The following PIK3C2B variants were observed in gnomAD, a reference collection of about 807,000 sequenced individuals.
PIK3C2B encodes phosphatidylinositol 4-phosphate 3-kinase C2 domain-containing subunit beta.
In PIK3C2B, 83 loss-of-function variants were observed where a neutral mutation model predicts 184.3. The ratio of observed to expected loss-of-function variants is 0.45; its 90% CI spans 0.38 to 0.54. The LOEUF is 0.54. Among genes scored for constraint, PIK3C2B ranks in the 20% least tolerant of loss-of-function variants. The pLI is 0.00. For synonymous variants in PIK3C2B, 779 were observed against 837.6 expected, an observed-to-expected ratio of 0.93 and a Z score of 1.21; for missense variants, 1,736 against 2,113.5, an observed-to-expected ratio of 0.82 and a Z score of 3.50.
chr1:204,428,136 T>C lies in PIK3C2B; in HGVS notation c.4480+3A>G, dbSNP rs769927460. ...CAGTAAGGTCTCAGAGAAGATACTGTACCTGAGGACTTAGGAGCTGGGCTG... is the reference window on the plus strand; with the variant it reads ...CAGTAAGGTCTCAGAGAAGATACTGCACCTGAGGACTTAGGAGCTGGGCTG... On this transcript the variant is annotated splice_donor_region_variant and intron_variant, in intron 30 of 32. Transcript: ENST00000684373. 35 of 1,586,102 alleles carry C rather than the reference T, an allele frequency of 2.2e-5. No homozygotes were observed. The South Asian group carries it at 2.2e-4, about 10-fold the overall frequency.
At chr1:204,438,350 C>T (rs1265643109) in intron 23 of PIK3C2B, among the ~76,000 whole-genome samples, 1 of 152,128 alleles carries the variant, frequency 6.6e-6, no homozygotes, top group Non-Finnish European at 1.5e-5. Context: ...CCCTACCACC[C>T]AGGAAAGCTC....
intron 23 of PIK3C2B, among the ~76,000 whole-genome samples, chr1:204,437,585 C>T (rs908125061): frequency 6.6e-6 from 1 of 151,936 alleles, no homozygotes; most frequent in Non-Finnish European, 1.5e-5. Context: ...TTCAGGGGAC[C>T]GACAGCAAAG....
chr1:204,450,120 C>CAGCCTCAG, intron 12 of PIK3C2B, 103 bp from the exon 13 acceptor site: 1 of 1,000,468 alleles, frequency 1.0e-6, no homozygotes, highest in South Asian at 1.7e-5. Flanking sequence ...GATACAGCCT[C>CAGCCTCAG]CCTCTCAGGG....
intron 12 of PIK3C2B, among the ~76,000 whole-genome samples, chr1:204,453,456 C>T (rs1468793329): frequency 3.9e-5 from 6 of 152,174 alleles, no homozygotes; most frequent in Non-Finnish European, 5.9e-5. Context: ...TATCTCATCT[C>T]GACGCCATAA....
At chr1:204,451,524 T>TTCA (rs1427117121) in intron 12 of PIK3C2B, among the ~76,000 whole-genome samples, 1 of 152,158 alleles carries the variant, frequency 6.6e-6, no homozygotes, top group African/African-American at 2.4e-5. Flanking sequence ...CTGCAGCCCA[T>TTCA]TCAACAACCT....
At chr1:204,450,108 A>G in intron 12 of PIK3C2B, 91 bp from the exon 13 acceptor site, 5 of 1,081,338 alleles carry the variant, frequency 4.6e-6, no homozygotes, top group Non-Finnish European at 6.6e-6. Flanking sequence ...GCTGAGGCTG[A>G]GGATACAGCC....
intron 11 of PIK3C2B, among the ~76,000 whole-genome samples, chr1:204,455,124 G>A (rs748236972): frequency 9.4e-4 from 143 of 152,378 alleles, no homozygotes; most frequent in Non-Finnish European, 1.5e-3. Flanking sequence ...GCGCGTGCAC[G>A]TGCATGCGCA....
In PIK3C2B at chr1:204,454,811, G is replaced by C; in HGVS notation, c.1944-20C>G. On this transcript the variant is annotated intron_variant, in intron 11 of 32. Coordinates refer to ENST00000684373, the MANE Select transcript of PIK3C2B (RefSeq NM_001377334.1). ...TCATAGCTATAAAAGAAAGGGAGCAGGTCAGGACACCCAGCTCCCAAAACC... is the reference window on the plus strand; with the variant it reads ...TCATAGCTATAAAAGAAAGGGAGCACGTCAGGACACCCAGCTCCCAAAACC... 6.2e-7 allele frequency: 1 copy of C among 1,603,960 alleles called. No individual in the cohort carries two copies. Among genetic ancestry groups the C allele is most frequent in the Non-Finnish European group, 8.5e-7 (1 of 1,178,268 alleles).
At chr1:204,477,416 T>C (rs562535838) in intron 1 of PIK3C2B, among the ~76,000 whole-genome samples, 44 of 152,270 alleles carry the variant, frequency 2.9e-4, no homozygotes, top group Middle Eastern at 3.4e-3. Context: ...CAAGAGGACA[T>C]GCCTATGGCC....
chr1:204,447,419 G>C lies in PIK3C2B; in HGVS notation c.2489+17C>G. ...TCAGATGAAACATGACAGATTCAGT[G>C]GGGGCCCGGGTCTCACCAGTACAAG... On this transcript the variant is annotated intron_variant, in intron 15 of 32. Coordinates refer to ENST00000684373, the MANE Select transcript of PIK3C2B (RefSeq NM_001377334.1). The surrounding 1 kb of genome is among the most constrained non-coding windows in gnomAD (Gnocchi z 4.1). 1 of 1,607,644 alleles carries C rather than the reference G, an allele frequency of 6.2e-7. No homozygotes were observed. Among genetic ancestry groups the C allele is most frequent in the Non-Finnish European group, 8.5e-7 (1 of 1,175,042 alleles).
chr1:204,468,760 C>T (rs1315323512), intron 2 of PIK3C2B, 110 bp downstream of exon 2: 1 of 993,972 alleles, frequency 1.0e-6, no homozygotes, highest in Non-Finnish European at 1.5e-6. Flanking sequence ...GTAGGAGAGG[C>T]CTAAAGGGGT....
rs966660699 is a variant in PIK3C2B at position 204,422,971 on chromosome 1, G to T, written c.*1881C>A. The stretch of plus-strand genomic sequence containing the variant: ...AGTTATGGAATGAGTCAGCAAAACG[G>T]GGAGTTTCTGATCCTTGGAATTAGG... On this transcript the variant is annotated 3_prime_UTR_variant, in exon 33 of 33. Coordinates refer to ENST00000684373, the MANE Select transcript of PIK3C2B (RefSeq NM_001377334.1). 1 of 152,240 alleles carries T rather than the reference G, an allele frequency of 6.6e-6. No individual in the cohort carries two copies. Among genetic ancestry groups the T allele is most frequent in the African/African-American group, 2.4e-5 (1 of 41,422 alleles). The allele number at this position is 152,240 out of a possible 1,614,324, so 9.4% of individuals were successfully genotyped here. A position where few individuals can be genotyped will look rare whatever the true frequency, so the allele number is the denominator to read the frequency against.
rs544347499 is a variant in PIK3C2B at position 204,449,992 on chromosome 1, G to T, written c.2092C>A (p.Arg698=). The change falls in exon 13 of 33, where the codon CGG becomes AGG. Residue 698 remains arginine, a synonymous_variant. Coordinates refer to ENST00000684373, the MANE Select transcript of PIK3C2B (RefSeq NM_001377334.1). ...QQICFPVQVN[R]LPRETLLCAT... ...CACAGCAGTGTCTCCCGAGGCAGCC[G>T]GTTCACCTGCACTGGGAAGCAGATC... 1.3e-6 allele frequency: 2 copies of T among 1,583,738 alleles called. No homozygotes were observed. Among genetic ancestry groups the T allele is most frequent in the East Asian group, 4.6e-5 (2 of 43,682 alleles).
chr1:204,463,891 A>T (rs987813818), intron 5 of PIK3C2B, 121 bp downstream of exon 5: 5 of 987,858 alleles, frequency 5.1e-6, no homozygotes, highest in Non-Finnish European at 7.6e-6. Context: ...CCCAGAAAGC[A>T]GGAGTCTTGA....
At chr1:204,462,703 G>A (rs1655433309) in intron 5 of PIK3C2B, among the ~76,000 whole-genome samples, 2 of 152,122 alleles carry the variant, frequency 1.3e-5, no homozygotes, top group Non-Finnish European at 2.9e-5. Context: ...CTTTCCCTTA[G>A]CTTCGAGATG....
At position 204,441,464 on chromosome 1, in the gene PIK3C2B, T is replaced by G; in HGVS notation, c.3249+7A>C. 3.1e-6 allele frequency: 5 copies of G among 1,594,388 alleles called. No homozygotes were observed. Among genetic ancestry groups the G allele is most frequent in the Non-Finnish European group, 4.3e-6 (5 of 1,162,262 alleles). On this transcript the variant is annotated splice_region_variant and intron_variant, in intron 21 of 32. Transcript: ENST00000684373. The stretch of plus-strand genomic sequence containing the variant: ...TGGTCCACCAGGCTTGAGTAAAGTA[T>G]TCTCACCTTGAAGATGACACGGATG...
rs556430965 is a variant in PIK3C2B, at chr1:204,459,761, A to G, written c.1566+117T>C. 2.8e-4 allele frequency: 240 copies of G among 854,810 alleles called. 6 individuals are homozygous for G. The highest frequency in any genetic ancestry group is 2.7e-3 in the South Asian group (191 of 69,876). The allele number at this position is 854,810 out of a possible 1,614,324, so 53.0% of individuals were successfully genotyped here. ...AGGGGTTAAAAAGAAGTGCTCTGCC[A>G]ACAGATTTTCAGGCTCCACCCAGAC... On this transcript the variant is annotated intron_variant, in intron 8 of 32. Coordinates refer to ENST00000684373, the MANE Select transcript of PIK3C2B (RefSeq NM_001377334.1).
chr1:204,487,852 G>T (rs1410589879), intron 1 of PIK3C2B, among the ~76,000 whole-genome samples: 1 of 152,056 alleles, frequency 6.6e-6, no homozygotes, highest in African/African-American at 2.4e-5. Flanking sequence ...CCTGCATTTT[G>T]GGTGGGAGGG....
chr1:204,444,506 T>C, intron 16 of PIK3C2B, 82 bp from the exon 17 acceptor site: 1 of 959,448 alleles, frequency 1.0e-6, no homozygotes, highest in Non-Finnish European at 1.6e-6. Context: ...ACACCTGGGC[T>C]TCAGAGGCAT....
Sources: gnomAD v4.1 joint callset for allele counts (sites outside exome capture counted in the v4.1 genomes callset) on GRCh38, gnomAD v4.1.1 for gene constraint, Gnocchi (gnomAD v3.1) non-coding constraint, MANE v1.5 for transcripts, NCBI Gene and HGNC (gene_info 2026-07-23, HGNC 2026-07-21) for gene names.